NOP14: variants seen among roughly 807,000 people sequenced by gnomAD.
The protein encoded by NOP14 is NOP14 nucleolar protein.
In NOP14, 57 loss-of-function variants were observed where a neutral mutation model predicts 101.6. The ratio of observed to expected loss-of-function variants is 0.56; its 90% CI spans 0.45 to 0.70. NOP14 has a LOEUF of 0.70. Ranked by LOEUF, NOP14 falls within the 30% of genes least tolerant of loss-of-function variation. NOP14 has a pLI of 0.00. For synonymous variants in NOP14, 428 were observed against 424.0 expected, an observed-to-expected ratio of 1.01 and a Z score of -0.12; for missense variants, 1,134 against 1,075.5, an observed-to-expected ratio of 1.05 and a Z score of -0.76.
chr4:2,949,048 ACCTGGAAGGAGCCACTGTGAG>A (rs1714844336), intron 8 of NOP14, among the ~76,000 whole-genome samples: 1 of 152,136 alleles, frequency 6.6e-6, no homozygotes, highest in Non-Finnish European at 1.5e-5. Context: ...CTTCAGAAGG[ACCTGGAAGGAGCCACTGTGAG>A]CCAAGCAGTG....
rs147203186 is a variant in NOP14, at chr4:2,941,691, C to T, written c.2090G>A (p.Arg697His). Residue 697 changes from arginine to histidine, a missense_variant, in exon 15 of 18, where the codon CGC becomes CAC. Transcript: ENST00000416614. ...CAGGGACCCGTACATGAGCACGCAG[C>T]GCTTCAGCAGGGCCAGGCCCACAGC... ...CLAVGLALLK[R>H]CVLMYGSLPS... The T allele has an allele frequency of 2.3e-4, 379 of 1,613,118 alleles. 1 individual carries two copies. Among genetic ancestry groups the T allele is most frequent in the Admixed American group, 5.7e-4 (34 of 59,934 alleles).
chr4:2,954,645 T>TC, intron 3 of NOP14, 82 bp from the exon 4 acceptor site: 1 of 1,493,368 alleles, frequency 6.7e-7, no homozygotes, highest in Non-Finnish European at 9.0e-7. Context: ...TGCCAGTGCT[T>TC]CCCCCATAGT....
chr4:2,954,940 C>A (rs1364062490), intron 3 of NOP14, among the ~76,000 whole-genome samples: 1 of 152,090 alleles, frequency 6.6e-6, no homozygotes, highest in Non-Finnish European at 1.5e-5. Context: ...TCCCTCCCAC[C>A]TCCCTGGGCA....
intron 1 of NOP14, 96 bp from the exon 2 acceptor site, chr4:2,957,836 GCA>G (rs577977573): frequency 8.1e-7 from 1 of 1,238,136 alleles, no homozygotes; most frequent in Non-Finnish European, 1.1e-6. Flanking sequence ...TCAGGGCTAT[GCA>G]CAGTGATGTC....
intron 13 of NOP14, among the ~76,000 whole-genome samples, chr4:2,942,750 T>C (rs1263335): frequency 1 from 152,024 of 152,332 alleles, 75,859 homozygotes; most frequent in South Asian, 1. Flanking sequence ...GAAAGGAAAG[T>C]GGAGGGGCAG....
In NOP14 at chr4:2,963,386, C is replaced by G. The variant is rs1370834176; in HGVS notation, c.-67G>C. 2.1e-6 allele frequency: 3 copies of G among 1,437,742 alleles called. No homozygotes were observed. Among genetic ancestry groups the G allele is most frequent in the Non-Finnish European group, 2.7e-6 (3 of 1,096,986 alleles). The allele number at this position is 1,437,742 out of a possible 1,614,324, so 89.1% of individuals were successfully genotyped here. Reference sequence around the variant, plus strand: ...GAGACAGGCGCGCGCTACCCTAAGACACGTGCCGGGCCGCGGAACCGCTTC... The same window carrying G: ...GAGACAGGCGCGCGCTACCCTAAGAGACGTGCCGGGCCGCGGAACCGCTTC... On this transcript the variant is annotated 5_prime_UTR_variant, in exon 1 of 18. Coordinates refer to ENST00000416614, the MANE Select transcript of NOP14 (RefSeq NM_001291978.2).
intron 1 of NOP14, among the ~76,000 whole-genome samples, chr4:2,960,851 T>C (rs1715748829): frequency 8.6e-6 from 1 of 116,192 alleles, no homozygotes; most frequent in Non-Finnish European, 1.7e-5. Flanking sequence ...ATAATCACAT[T>C]ATCAATATAT....
Position 2,938,515 on chromosome 4 carries a change from A to AT in NOP14, c.*315dup, listed in dbSNP as rs1054621229. On this transcript the variant is annotated 3_prime_UTR_variant, in exon 18 of 18. Transcript: ENST00000416614. ...GCAAAACTCCGTCTCAAAAAAAAAA[A>AT]TTTTTTTTTAAGCGACACAGTCTTG... The AT allele has an allele frequency of 2.8e-4, 100 of 355,804 alleles. No homozygotes were observed. Among genetic ancestry groups the AT allele is most frequent in the East Asian group, 5.8e-4 (8 of 13,892 alleles). 22.0% of individuals were successfully genotyped at this position (355,804 alleles called of 1,614,324 possible).
chr4:2,953,796 T>G lies in NOP14; in HGVS notation c.613-151A>C, dbSNP rs1715175123. 3.6e-6 allele frequency: 3 copies of G among 834,368 alleles called. No individual in the cohort carries two copies. The East Asian group carries it at 7.5e-5, about 21-fold the overall frequency. The allele number at this position is 834,368 out of a possible 1,614,324, so 51.7% of individuals were successfully genotyped here. A position where few individuals can be genotyped will look rare whatever the true frequency, so the allele number is the denominator to read the frequency against. ...AAAGAGGCCAGGAGAAATGAGTATT[T>G]TAAATGCAAAGCTACCAAATCTCAT... On this transcript the variant is annotated intron_variant, in intron 4 of 17. Coordinates refer to ENST00000416614, the MANE Select transcript of NOP14 (RefSeq NM_001291978.2).
chr4:2,947,463 TA>T, intron 10 of NOP14, 62 bp downstream of exon 10: 1 of 1,169,304 alleles, frequency 8.6e-7, no homozygotes, highest in Non-Finnish European at 1.3e-6. Flanking sequence ...TTTATGACTC[TA>T]AATGGGAGAA....
intron 9 of NOP14, 56 bp from the exon 10 acceptor site, chr4:2,947,667 C>T: frequency 1.5e-6 from 2 of 1,354,384 alleles, no homozygotes; most frequent in Non-Finnish European, 2.1e-6. Context: ...AGAACAAAGC[C>T]ACAGGCACAC....
At position 2,942,152 on chromosome 4, in the gene NOP14, C is replaced by G. The variant is rs770454368; in HGVS notation, c.2051+40G>C. 11 of 1,593,132 alleles carry G rather than the reference C, an allele frequency of 6.9e-6. 1 individual carries two copies. The highest frequency in any genetic ancestry group is 6.7e-5 in the South Asian group (6 of 88,898). On this transcript the variant is annotated intron_variant, in intron 14 of 17. Coordinates refer to ENST00000416614, the MANE Select transcript of NOP14 (RefSeq NM_001291978.2). ...GTGGCTTCTCCTGCCTCTGGGGACG[C>G]TGTAGGGCACAGGCCCCAAAGCGGG...
rs746129234 is a variant in NOP14 at position 2,948,355 on chromosome 4, C to G, written c.1336G>C (p.Glu446Gln). Residue 446 changes from glutamate to glutamine, a missense_variant, in exon 9 of 18, where the codon GAG (glutamate) becomes CAG (glutamine). Coordinates refer to ENST00000416614, the MANE Select transcript of NOP14 (RefSeq NM_001291978.2). ...RSLLLGRSME[E>Q]QLLVVERIQK... ...ATTCTCTCCACCACCAAAAGCTGCT[C>G]TTCCATCGATCTTCCTAACAACAGA... is the stretch of plus-strand genomic sequence containing the variant. 1 of 1,612,784 alleles carries G rather than the reference C, an allele frequency of 6.2e-7. No individual in the cohort carries two copies. The highest frequency in any genetic ancestry group is 1.1e-5 in the South Asian group (1 of 90,904).
intron 1 of NOP14, among the ~76,000 whole-genome samples, chr4:2,958,043 G>GT (rs1348363727): frequency 6.6e-6 from 1 of 152,150 alleles, no homozygotes. Flanking sequence ...TCCCTCGGCT[G>GT]TAACAGCTGC....
intron 3 of NOP14, among the ~76,000 whole-genome samples, chr4:2,955,832 C>G (rs546801196): frequency 6.6e-6 from 1 of 152,194 alleles, no homozygotes; most frequent in Non-Finnish European, 1.5e-5. Flanking sequence ...CCGCAGATGG[C>G]GGGTTCTGCA....
chr4:2,938,157 G>A lies in NOP14; in HGVS notation c.*674C>T, dbSNP rs557999490. The A allele has an allele frequency of 7.1e-5, 91 of 1,278,418 alleles. No individual in the cohort carries two copies. The highest frequency in any genetic ancestry group is 8.8e-5 in the Non-Finnish European group (86 of 981,844). 79.2% of individuals were successfully genotyped at this position (1,278,418 alleles called of 1,614,324 possible). On this transcript the variant is annotated 3_prime_UTR_variant, in exon 18 of 18. Coordinates refer to ENST00000416614, the MANE Select transcript of NOP14 (RefSeq NM_001291978.2). Reference sequence around the variant, plus strand: ...TATTTCATCAGGTGACGTTTTAACAGAAACAAAACCGCAGGCAGCGGGTGG... The same window carrying A: ...TATTTCATCAGGTGACGTTTTAACAAAAACAAAACCGCAGGCAGCGGGTGG...
In NOP14 at chr4:2,938,884, C is replaced by A. The variant is rs377010339; in HGVS notation, c.2521G>T (p.Ala841Ser). ...GCCTTCCATTCGCCTTCCTGTGTAG[C>A]CAGGCTGTTAAAAAGCTGCTTTACT... ...RKVKQLFNSL[A>S]TQEGEWKALK... Residue 841 changes from alanine (A) to serine (S), a missense_variant, in exon 18 of 18, where the codon GCT (alanine) becomes TCT (serine). Ala to Ser is a moderately conservative substitution (Grantham distance 99, BLOSUM62 1). Coordinates refer to ENST00000416614, the MANE Select transcript of NOP14 (RefSeq NM_001291978.2). 4.2e-5 allele frequency: 68 copies of A among 1,614,038 alleles called. No individual in the cohort carries two copies. The highest frequency in any genetic ancestry group is 6.7e-5 in the Admixed American group (4 of 60,010).
At position 2,946,540 on chromosome 4, in the gene NOP14, A is replaced by G. The variant is rs143777296; in HGVS notation, c.1507T>C (p.Tyr503His). Reference protein sequence around the residue: ...TVIDKLVVHLYHLCQMFPESA... With the variant: ...TVIDKLVVHLHHLCQMFPESA... ...TCAGGAAACATCTGGCAAAGATGAT[A>G]TAAGTGCCTGTTAAGCAGAAATGTA... Residue 503 changes from tyrosine (Y) to histidine (H), a missense_variant, in exon 11 of 18, where the codon TAT (tyrosine) becomes CAT (histidine). By Grantham distance (83) the Tyr-to-His change is moderately conservative. Transcript: ENST00000416614. 6.8e-6 allele frequency: 11 copies of G among 1,614,186 alleles called. No homozygotes were observed. In the African/African-American group the frequency reaches 8.0e-5, roughly 12 times the overall value.
chr4:2,957,291 C>T (rs768926854), intron 2 of NOP14, among the ~76,000 whole-genome samples: 2 of 152,124 alleles, frequency 1.3e-5, no homozygotes, highest in African/African-American at 4.8e-5. Context: ...TGAGCCACCG[C>T]GCCCGGCCTC....
Sources: allele counts gnomAD v4.1 joint callset (sites outside exome capture counted in the v4.1 genomes callset), GRCh38; gene constraint gnomAD v4.1.1; transcripts MANE v1.5; gene names NCBI Gene and HGNC (gene_info 2026-07-23, HGNC 2026-07-21).